NCOA2: variants seen among roughly 807,000 people sequenced by gnomAD.
NCOA2 encodes class E basic helix-loop-helix protein 75.
In NCOA2, 21 loss-of-function variants were observed where a neutral mutation model predicts 145.1. That is an observed-to-expected ratio of 0.14 (90% confidence interval 0.10 to 0.21). The LOEUF is 0.21. NCOA2 is among the 10% of genes least tolerant of loss of function. The pLI is 1.00. For synonymous variants in NCOA2, 619 were observed against 637.5 expected (o/e 0.97, Z 0.44); for missense variants, 1,472 against 1,837.6 (o/e 0.80, Z 3.64).
At chr8:70,451,228 A>AT in the NCOA2 span, among the ~76,000 whole-genome samples, 42 of 118,284 alleles carry the variant, frequency 3.6e-4, no homozygotes, top group African/African-American at 1.2e-3. Context: ...AAAAAAAAAA[A>AT]AAAAAAAAAA....
chr8:70,407,981 T>A (rs751994182), upstream of NCOA2, among the ~76,000 whole-genome samples: 1 of 152,164 alleles, frequency 6.6e-6, no homozygotes, highest in Non-Finnish European at 1.5e-5. Flanking sequence ...ATCCTTCATC[T>A]TAGATTAAGA....
intron 1 of NCOA2, among the ~76,000 whole-genome samples, chr8:70,390,746 C>G (rs1414426430): frequency 6.6e-6 from 1 of 152,094 alleles, no homozygotes; most frequent in Non-Finnish European, 1.5e-5. Flanking sequence ...CCAGCCTGGG[C>G]TACAGAGCAA....
chr8:70,130,195 A>C (rs13260857), intron 16 of NCOA2, among the ~76,000 whole-genome samples: 55,957 of 152,102 alleles, frequency 0.37, 12,404 homozygotes, highest in East Asian at 0.7. Flanking sequence ...AAACACAAAA[A>C]CATCTCAGAA....
At chr8:70,239,933 A>C (rs974805521) in intron 2 of NCOA2, among the ~76,000 whole-genome samples, 2 of 152,184 alleles carry the variant, frequency 1.3e-5, no homozygotes, top group African/African-American at 4.8e-5. Context: ...CTGAGAGACC[A>C]CCTTTGCTAC....
chr8:70,398,917 C>A (rs190167132), intron 1 of NCOA2, among the ~76,000 whole-genome samples: 1 of 152,322 alleles, frequency 6.6e-6, no homozygotes, highest in East Asian at 1.9e-4. Flanking sequence ...TAAAAGCTAA[C>A]AGTATTAGGA....
intron 2 of NCOA2, among the ~76,000 whole-genome samples, chr8:70,270,968 T>C (rs1429680733): frequency 6.6e-6 from 1 of 152,266 alleles, no homozygotes; most frequent in Admixed American, 6.5e-5. Context: ...ATGAATTATA[T>C]GAATTTTCAA....
intron 10 of NCOA2, 82 bp from the exon 11 acceptor site, chr8:70,157,322 G>T: frequency 8.1e-7 from 1 of 1,233,070 alleles, no homozygotes; most frequent in Non-Finnish European, 1.1e-6. Flanking sequence ...AAATGATATG[G>T]CCTCTTCACC....
chr8:70,132,543 G>C (rs56061224), intron 15 of NCOA2, among the ~76,000 whole-genome samples: 2 of 152,166 alleles, frequency 1.3e-5, no homozygotes, highest in African/African-American at 4.8e-5. Flanking sequence ...AAATTTCTTA[G>C]TCATGCACAA....
chr8:70,264,915 C>T (rs1824448360), intron 2 of NCOA2, among the ~76,000 whole-genome samples: 1 of 151,594 alleles, frequency 6.6e-6, no homozygotes, highest in Non-Finnish European at 1.5e-5. Flanking sequence ...AGCTTTAAAA[C>T]CTAAAAAAAT....
intron 1 of NCOA2, among the ~76,000 whole-genome samples, chr8:70,368,283 G>A (rs1213144364): frequency 6.6e-6 from 1 of 152,202 alleles, no homozygotes; most frequent in Non-Finnish European, 1.5e-5. Flanking sequence ...TGGCTGAAGT[G>A]CAAGGCCGCA....
chr8:70,174,735 A>G (rs756699847), intron 5 of NCOA2, 21 bp downstream of exon 5: 7 of 1,586,086 alleles, frequency 4.4e-6, no homozygotes, highest in Non-Finnish European at 6.1e-6. Flanking sequence ...AAAATACAGC[A>G]CTAAAATGAA....
intron 1 of NCOA2, among the ~76,000 whole-genome samples, chr8:70,341,064 C>T (rs1002888650): frequency 5.0e-5 from 7 of 139,116 alleles, no homozygotes; most frequent in African/African-American, 1.9e-4. Context: ...GCATGTGTAC[C>T]CCTGAACTTA....
At chr8:70,159,796 T>C in intron 9 of NCOA2, 144 bp from the exon 10 acceptor site, 3 of 657,780 alleles carry the variant, frequency 4.6e-6, no homozygotes, top group Non-Finnish European at 7.1e-6. Context: ...AGTAATACTT[T>C]ATGAGATTGA....
intron 10 of NCOA2, among the ~76,000 whole-genome samples, chr8:70,159,233 TATATATATA>T (rs1018192516): frequency 1.3e-5 from 1 of 78,054 alleles, no homozygotes; most frequent in African/African-American, 6.7e-5. Flanking sequence ...TATATATATA[TATATATATA>T]TTTTTTTTTT....
intron 4 of NCOA2, among the ~76,000 whole-genome samples, chr8:70,177,097 C>T (rs1814939367): frequency 6.6e-6 from 1 of 152,218 alleles, no homozygotes; most frequent in Admixed American, 6.5e-5. Flanking sequence ...CTTCGCCTAA[C>T]TATTCACAGG....
intron 3 of NCOA2, among the ~76,000 whole-genome samples, chr8:70,215,755 A>C (rs1208775304): frequency 2.0e-5 from 3 of 152,144 alleles, no homozygotes; most frequent in Admixed American, 1.3e-4. Flanking sequence ...TTTGGTAACT[A>C]TTTGCCCAGT....
chr8:70,224,426 G>T (rs1394427086), intron 2 of NCOA2, among the ~76,000 whole-genome samples: 1 of 152,150 alleles, frequency 6.6e-6, no homozygotes, highest in African/African-American at 2.4e-5. Context: ...ACATATAAAT[G>T]TAACTTTGAG....
At chr8:70,203,255 C>A (rs1296019778) in intron 4 of NCOA2, among the ~76,000 whole-genome samples, 4 of 17,866 alleles carry the variant, frequency 2.2e-4, no homozygotes, top group Admixed American at 6.8e-4. Flanking sequence ...GAACAAGACT[C>A]TGTCTCAAAA....
intron 2 of NCOA2, among the ~76,000 whole-genome samples, chr8:70,278,083 C>A (rs1395065137): frequency 6.6e-6 from 1 of 152,182 alleles, no homozygotes; most frequent in Non-Finnish European, 1.5e-5. Flanking sequence ...CAATCCCAGC[C>A]CTAGGCAACC....
Sources: gnomAD v4.1 joint callset for allele counts (sites outside exome capture counted in the v4.1 genomes callset) on GRCh38, gnomAD v4.1.1 for gene constraint, MANE v1.5 for transcripts, NCBI Gene and HGNC (gene_info 2026-07-23, HGNC 2026-07-21) for gene names.